SAMD12: variants seen among roughly 807,000 people sequenced by gnomAD.
SAMD12 encodes the protein sterile alpha motif domain-containing protein 12.
In SAMD12, 9 loss-of-function variants were observed where a neutral mutation model predicts 15.0. The ratio of observed to expected loss-of-function variants is 0.60; its 90% CI spans 0.36 to 1.05. The LOEUF is 1.05. SAMD12 is among the 50% of genes least tolerant of loss of function. SAMD12 has a pLI of 0.01. For missense variants in SAMD12, 230 were observed against 234.2 expected, an observed-to-expected ratio of 0.98 and a Z score of 0.12; for synonymous variants, 86 against 90.1, an observed-to-expected ratio of 0.96 and a Z score of 0.25.
chr8:118,213,000 G>A (rs17507459), intron 4 of SAMD12, among the ~76,000 whole-genome samples: 99 of 152,278 alleles, frequency 6.5e-4, no homozygotes, highest in African/African-American at 2.2e-3. Context: ...TTTTAATAAA[G>A]AATGAGAATA....
chr8:118,403,723 A>C (rs903122916), intron 3 of SAMD12, among the ~76,000 whole-genome samples: 4 of 152,186 alleles, frequency 2.6e-5, no homozygotes, highest in African/African-American at 9.7e-5. Context: ...TTAAAGAATG[A>C]GATTTGTCAG....
At chr8:118,227,445 A>G (rs934479166) in intron 4 of SAMD12, among the ~76,000 whole-genome samples, 8 of 152,102 alleles carry the variant, frequency 5.3e-5, no homozygotes, top group Non-Finnish European at 7.4e-5. Flanking sequence ...TGATGAAATA[A>G]TCTACATAAC....
intron 2 of SAMD12, among the ~76,000 whole-genome samples, chr8:118,445,214 T>G (rs1211903073): frequency 6.6e-6 from 1 of 152,182 alleles, no homozygotes; most frequent in Non-Finnish European, 1.5e-5. Flanking sequence ...TTAGCAGTTT[T>G]TAATGCTCAT....
At chr8:118,484,165 G>A (rs966231112) in intron 2 of SAMD12, among the ~76,000 whole-genome samples, 3 of 152,048 alleles carry the variant, frequency 2.0e-5, no homozygotes, top group Non-Finnish European at 2.9e-5. Context: ...TCAATTATGT[G>A]GACGAGGTGG....
At chr8:118,276,157 A>G (rs1803386765) in intron 4 of SAMD12, among the ~76,000 whole-genome samples, 1 of 152,232 alleles carries the variant, frequency 6.6e-6, no homozygotes, top group East Asian at 1.9e-4. Flanking sequence ...AGTGTTCCAT[A>G]TAAGGCCAAC....
At chr8:118,191,842 AGAGAGAGAGT>A (rs1819410479) in exon 5 of SAMD12, 7 of 131,696 alleles carry the variant, frequency 5.3e-5, no homozygotes, top group African/African-American at 1.6e-4. Context: ...AGAGAGAGAG[AGAGAGAGAGT>A]GAGAAAAGTA....
intron 4 of SAMD12, among the ~76,000 whole-genome samples, chr8:118,224,572 G>C (rs1325575443): frequency 1.3e-5 from 2 of 152,192 alleles, no homozygotes; most frequent in Non-Finnish European, 2.9e-5. Context: ...CCATAGGACA[G>C]ACAGCCACAG....
chr8:118,465,318 T>G (rs952459217), intron 2 of SAMD12, among the ~76,000 whole-genome samples: 4 of 151,244 alleles, frequency 2.6e-5, no homozygotes, highest in African/African-American at 9.7e-5. Flanking sequence ...ATTACTCAAC[T>G]TTTTTTTTGC....
At chr8:118,532,729 G>T (rs1825725301) in intron 2 of SAMD12, among the ~76,000 whole-genome samples, 1 of 152,156 alleles carries the variant, frequency 6.6e-6, no homozygotes, top group African/African-American at 2.4e-5. Flanking sequence ...TTTGCGTAGA[G>T]GTGTTTATAG....
intron 3 of SAMD12, among the ~76,000 whole-genome samples, chr8:118,433,912 G>A (rs1410029168): frequency 1.3e-5 from 2 of 152,154 alleles, no homozygotes; most frequent in Admixed American, 1.3e-4. Flanking sequence ...ATTCTCGTAA[G>A]TACATCACAT....
chr8:118,349,238 T>C (rs2130587350), intron 4 of SAMD12, among the ~76,000 whole-genome samples: 1 of 152,356 alleles, frequency 6.6e-6, no homozygotes, highest in Non-Finnish European at 1.5e-5. Context: ...CTTCTCAAGC[T>C]ATCTCCAGTT....
intron 4 of SAMD12, among the ~76,000 whole-genome samples, chr8:118,273,147 G>T (rs1424735288): frequency 2.0e-5 from 3 of 152,212 alleles, no homozygotes; most frequent in Non-Finnish European, 2.9e-5. Flanking sequence ...AGTTCAGCAT[G>T]CTGGGGAGAC....
At chr8:118,190,993 T>C (rs182401949) in exon 5 of SAMD12, 1 of 152,342 alleles carries the variant, frequency 6.6e-6, no homozygotes, top group African/African-American at 2.4e-5. Flanking sequence ...ACAAGATTGA[T>C]CTTTTCTAAA....
At chr8:118,411,032 G>A (rs1467722120) in intron 3 of SAMD12, among the ~76,000 whole-genome samples, 1 of 152,138 alleles carries the variant, frequency 6.6e-6, no homozygotes, top group African/African-American at 2.4e-5. Flanking sequence ...TATTATTGGA[G>A]GCTAGAGGAA....
chr8:118,430,056 GT>G (rs1003714753), intron 3 of SAMD12, among the ~76,000 whole-genome samples: 2 of 152,106 alleles, frequency 1.3e-5, no homozygotes, highest in African/African-American at 4.8e-5. Flanking sequence ...TTTCTGGTAA[GT>G]TTTTTAAAAA....
intron 2 of SAMD12, among the ~76,000 whole-genome samples, chr8:118,454,333 C>T (rs1358514015): frequency 6.6e-6 from 1 of 152,098 alleles, no homozygotes; most frequent in Non-Finnish European, 1.5e-5. Flanking sequence ...ATTCTCATTC[C>T]TTTTTTGATA....
In SAMD12 at chr8:118,432,673, C is replaced by G. The variant is rs562515983; in HGVS notation, c.322+7159G>C. Among the ~76,000 whole-genome samples, 4 of 152,274 alleles carry G rather than the reference C, an allele frequency of 2.6e-5. No individual in the cohort carries two copies. The South Asian group carries it at 8.3e-4, about 32-fold the overall frequency. On this transcript the variant is annotated intron_variant, in intron 3 of 3. Transcript: ENST00000314727. ...GATGAAGAGAACTAAGGAGGGCTTT[C>G]TATAGGAGGTGGTATCTAAAACTCA...
chr8:118,413,741 CG>C (rs1554657553), intron 3 of SAMD12, among the ~76,000 whole-genome samples: 1 of 151,948 alleles, frequency 6.6e-6, no homozygotes, highest in Non-Finnish European at 1.5e-5. Flanking sequence ...GTTTAAAGCA[CG>C]TAATAGGTGT....
At chr8:118,336,129 T>C (rs188903298) in intron 4 of SAMD12, among the ~76,000 whole-genome samples, 1 of 152,356 alleles carries the variant, frequency 6.6e-6, no homozygotes, top group East Asian at 1.9e-4. Context: ...ATCAGTAATC[T>C]GATGCTAGTC....
Sources: allele counts gnomAD v4.1 joint callset (sites outside exome capture counted in the v4.1 genomes callset), GRCh38; gene constraint gnomAD v4.1.1; transcripts MANE v1.5; gene names NCBI Gene and HGNC (gene_info 2026-07-23, HGNC 2026-07-21).